KMT2C: variants seen among roughly 807,000 people sequenced by gnomAD.
KMT2C encodes the protein histone-lysine N-methyltransferase 2C.
A neutral mutation model predicts 507.9 loss-of-function variants in KMT2C; 88 were observed. The ratio of observed to expected loss-of-function variants is 0.17; its 90% CI spans 0.15 to 0.21. The LOEUF is 0.21. KMT2C is among the 10% of genes least tolerant of loss of function. KMT2C has a pLI of 1.00. For synonymous variants in KMT2C, 2,049 were observed against 2,080.8 expected, an observed-to-expected ratio of 0.98 and a Z score of 0.42; for missense variants, 4,954 against 5,957.8, an observed-to-expected ratio of 0.83 and a Z score of 5.55.
At chr7:152,243,014 C>T (rs1348537251) in intron 14 of KMT2C, among the ~76,000 whole-genome samples, 1 of 152,156 alleles carries the variant, frequency 6.6e-6, no homozygotes, top group African/African-American at 2.4e-5. Context: ...AAAGAGTTTA[C>T]AGTTTGTCTT....
At chr7:152,225,134 TC>T (rs2094889127) in intron 18 of KMT2C, among the ~76,000 whole-genome samples, 1 of 152,136 alleles carries the variant, frequency 6.6e-6, no homozygotes, top group African/African-American at 2.4e-5. Context: ...CTGTTTATTC[TC>T]CCCTCTCTCA....
rs2090097424 is a variant in KMT2C, at chr7:152,138,139, A to AG, written c.14643+656dup. The AG allele has an allele frequency of 6.6e-6, 1 of 152,294 alleles. No homozygotes were observed. The highest frequency in any genetic ancestry group is 1.5e-5 in the Non-Finnish European group (1 of 68,092). 9.4% of individuals were successfully genotyped at this position (152,294 alleles called of 1,614,324 possible). A position where few individuals can be genotyped will look rare whatever the true frequency, so the allele number is the denominator to read the frequency against. On this transcript the variant is annotated intron_variant, in intron 58 of 58. Coordinates refer to ENST00000262189, the MANE Select transcript of KMT2C (RefSeq NM_170606.3). The surrounding 1 kb of genome is among the most constrained non-coding windows in gnomAD (Gnocchi z 4.2). Reference sequence around the variant, plus strand: ...TCCAGAACCAAGGTACCTGAATCACAGTGGGAAAGACCAAGGTGGGAAGCA... The same window carrying AG: ...TCCAGAACCAAGGTACCTGAATCACAGGTGGGAAAGACCAAGGTGGGAAGCA...
chr7:152,363,620 G>A (rs1485107452), intron 1 of KMT2C, among the ~76,000 whole-genome samples: 2 of 152,066 alleles, frequency 1.3e-5, no homozygotes, highest in Non-Finnish European at 2.9e-5. Flanking sequence ...CTTTCTGCTT[G>A]GCATTAATTT....
intron 1 of KMT2C, among the ~76,000 whole-genome samples, chr7:152,434,306 G>A (rs577222462): frequency 2.8e-4 from 43 of 152,242 alleles, no homozygotes; most frequent in African/African-American, 8.7e-4. Context: ...GGTAACAGCT[G>A]GCAATAAAAT....
chr7:152,176,412 C>A lies in KMT2C; in HGVS notation c.9041G>T (p.Gly3014Val), dbSNP rs2093213467. The change falls in exon 38 of 59, where the codon GGG (glycine) becomes GTG (valine). Residue 3014 changes from glycine (G) to valine (V), a missense_variant. Physicochemically the swap from Gly to Val is moderately radical, Grantham distance 109. Around this residue, in one of 29 missense-constraint regions of KMT2C, gnomAD observed 1,689 missense variants for 1,654.3 expected, o/e 1.02. Coordinates refer to ENST00000262189, the MANE Select transcript of KMT2C (RefSeq NM_170606.3). ...GGTACCAGACTGACTTGTTTGAGGC[C>A]CAGTTTGAGTTGCAGGTTTTCCTGT... ...LGTGKPATQT[G>V]PQTSQSGTSS... 1.2e-6 allele frequency: 2 copies of A among 1,613,920 alleles called. No individual in the cohort carries two copies. The highest frequency in any genetic ancestry group is 3.3e-5 in the Admixed American group (2 of 59,994).
At chr7:152,245,467 G>A (rs199898255) in intron 14 of KMT2C, among the ~76,000 whole-genome samples, 6 of 150,056 alleles carry the variant, frequency 4.0e-5, no homozygotes, top group African/African-American at 1.5e-4. Context: ...AAATAAAATA[G>A]ATTAAAATTT....
intron 1 of KMT2C, among the ~76,000 whole-genome samples, chr7:152,414,997 T>C (rs1207637393): frequency 6.6e-6 from 1 of 152,034 alleles, no homozygotes; most frequent in Admixed American, 6.6e-5. Flanking sequence ...AACAGGTGCA[T>C]ACCACATGCA....
In KMT2C at chr7:152,186,891, GT is replaced by G. The variant is rs11301971; in HGVS notation, c.5008+370del. ...AAGAAGGGAAGACAATATTGAATTCGTTTCATAAAAACACTATTTAGGATTC... is the reference window on the plus strand; with the variant it reads ...AAGAAGGGAAGACAATATTGAATTCGTTCATAAAAACACTATTTAGGATTC... On this transcript the variant is annotated intron_variant, in intron 33 of 58. Transcript: ENST00000262189. 7.8e-3 allele frequency among the ~76,000 whole-genome samples: 1,185 copies of G among 152,062 alleles called. 20 individuals carry two copies. Among genetic ancestry groups the G allele is most frequent in the African/African-American group, 0.028 (1,144 of 41,486 alleles).
At chr7:152,418,894 T>C (rs1452663133) in intron 1 of KMT2C, among the ~76,000 whole-genome samples, 1 of 151,266 alleles carries the variant, frequency 6.6e-6, no homozygotes, top group African/African-American at 2.4e-5. Context: ...TGAAAAAAGT[T>C]TGAAAGAGAA....
chr7:152,270,115 C>G (rs894390575), intron 7 of KMT2C, among the ~76,000 whole-genome samples: 9 of 152,164 alleles, frequency 5.9e-5, no homozygotes, highest in African/African-American at 1.9e-4. Context: ...TGCCAATTTT[C>G]ATCACTGGCA....
intron 3 of KMT2C, among the ~76,000 whole-genome samples, chr7:152,329,000 A>G (rs910530232): frequency 6.6e-6 from 1 of 152,038 alleles, no homozygotes; most frequent in African/African-American, 2.4e-5. Context: ...CGTCAAGCAG[A>G]CAGTTGGACA....
In KMT2C at chr7:152,181,085, G is replaced by A. The variant is rs1260337015; in HGVS notation, c.6775C>T (p.Pro2259Ser). The A allele has an allele frequency of 6.2e-7, 1 of 1,614,174 alleles. No homozygotes were observed. Among genetic ancestry groups the A allele is most frequent in the African/African-American group, 1.3e-5 (1 of 75,040 alleles). Reference sequence around the variant, plus strand: ...CTTACCAACGGGCCAGGTAAAGCTGGTCCTCGGTTTTGTGCTGCTTGCAGG... The same window carrying A: ...CTTACCAACGGGCCAGGTAAAGCTGATCCTCGGTTTTGTGCTGCTTGCAGG... ...PFLQAAQNRG[P>S]ALPGPLVRPP... The change falls in exon 36 of 59, where the codon CCA (proline) becomes TCA (serine). Residue 2259 changes from proline (P) to serine (S), a missense_variant. Pro to Ser is a moderately conservative substitution (Grantham distance 74). Around this residue, in one of 29 missense-constraint regions of KMT2C, gnomAD observed 1,689 missense variants for 1,654.3 expected, o/e 1.02. Coordinates refer to ENST00000262189, the MANE Select transcript of KMT2C (RefSeq NM_170606.3).
At chr7:152,281,262 A>G (rs1563707222) in intron 6 of KMT2C, among the ~76,000 whole-genome samples, 2 of 152,160 alleles carry the variant, frequency 1.3e-5, no homozygotes, top group African/African-American at 2.4e-5. Flanking sequence ...GATATATACA[A>G]ATAAAGCATG....
At chr7:152,185,846 C>T (rs1348774994) in intron 33 of KMT2C, among the ~76,000 whole-genome samples, 11 of 152,160 alleles carry the variant, frequency 7.2e-5, no homozygotes, top group African/African-American at 2.4e-4. Flanking sequence ...TTATTAACAA[C>T]GTAGCTTGTA....
chr7:152,140,817 A>AC, intron 55 of KMT2C, among the ~76,000 whole-genome samples: 1 of 152,338 alleles, frequency 6.6e-6, no homozygotes, highest in South Asian at 2.1e-4. Flanking sequence ...TATCCTCTGA[A>AC]CAAGCATCTT....
intron 53 of KMT2C, among the ~76,000 whole-genome samples, chr7:152,145,882 C>T (rs1587661009): frequency 6.6e-6 from 1 of 152,284 alleles, no homozygotes; most frequent in Middle Eastern, 3.4e-3. Context: ...TTCTGGAATA[C>T]ATTGCTTGTG....
At chr7:152,305,700 G>A (rs1466984856) in intron 6 of KMT2C, among the ~76,000 whole-genome samples, 1 of 152,052 alleles carries the variant, frequency 6.6e-6, no homozygotes, top group African/African-American at 2.4e-5. Flanking sequence ...TTATTTTTGT[G>A]GTTGCTAAAA....
intron 26 of KMT2C, among the ~76,000 whole-genome samples, chr7:152,201,570 T>A: frequency 8.2e-6 from 1 of 122,018 alleles, no homozygotes; most frequent in Non-Finnish European, 1.6e-5. Context: ...AAAGGACTAT[T>A]AAGAAGGGAG....
At chr7:152,290,296 T>TATATA (rs2096404717) in intron 6 of KMT2C, among the ~76,000 whole-genome samples, 4 of 17,588 alleles carry the variant, frequency 2.3e-4, no homozygotes, top group Non-Finnish European at 3.7e-4. Context: ...ATATATATAT[T>TATATA]TTTTTTTTTT....
Sources: gnomAD v4.1 joint callset for allele counts (sites outside exome capture counted in the v4.1 genomes callset) on GRCh38, gnomAD v4.1.1 for gene constraint, gnomAD v4.1.1 regional missense constraint, Gnocchi (gnomAD v3.1) non-coding constraint, MANE v1.5 for transcripts, NCBI Gene and HGNC (gene_info 2026-07-23, HGNC 2026-07-21) for gene names.